UBE2D2: variants seen among roughly 807,000 people sequenced by gnomAD.
UBE2D2 encodes the protein ubiquitin-conjugating enzyme E2 D2.
Under a neutral mutation model 24.2 loss-of-function variants are expected in UBE2D2, and 2 were observed. The ratio of observed to expected loss-of-function variants is 0.08; its 90% CI spans 0.03 to 0.26. The LOEUF (loss-of-function observed/expected upper bound fraction) is 0.26. Among genes scored for constraint, UBE2D2 ranks in the 10% least tolerant of loss-of-function variants. UBE2D2 has a pLI of 1.00. For missense variants in UBE2D2, 44 were observed against 177.6 expected (o/e 0.25, Z 4.28); for synonymous variants, 58 against 56.5 (o/e 1.03, Z -0.12).
At chr5:139,546,476 G>C (rs1011160914) in intron 1 of UBE2D2, among the ~76,000 whole-genome samples, 3 of 151,698 alleles carry the variant, frequency 2.0e-5, no homozygotes, top group African/African-American at 7.3e-5. Flanking sequence ...AGCCGACTGT[G>C]CCTGGCCTAA....
At chr5:139,622,530 A>C (rs1415429912) in intron 5 of UBE2D2, among the ~76,000 whole-genome samples, 1 of 148,038 alleles carries the variant, frequency 6.8e-6, no homozygotes, top group Non-Finnish European at 1.5e-5. Context: ...GGCATGAGCC[A>C]CTGCAGCCAG....
intron 2 of UBE2D2, among the ~76,000 whole-genome samples, chr5:139,603,383 A>G (rs572430663): frequency 6.6e-6 from 1 of 152,258 alleles, no homozygotes; most frequent in African/African-American, 2.4e-5. Flanking sequence ...GCGATGGTTC[A>G]CGTCTGTAAT....
At chr5:139,610,621 C>T (rs2126697431) in intron 2 of UBE2D2, among the ~76,000 whole-genome samples, 1 of 151,550 alleles carries the variant, frequency 6.6e-6, no homozygotes, top group South Asian at 2.1e-4. Context: ...ACCTGTAATC[C>T]CAGCACTTTG....
At position 139,548,180 on chromosome 5, in the gene UBE2D2, AAAAT is replaced by A. The variant is rs1752860742; in HGVS notation, c.-64+21572_-64+21575del. On this transcript the variant is annotated intron_variant, in intron 1 of 6. Coordinates refer to the UBE2D2 transcript ENST00000511725. ...CTCCGTCTCAAAAAAAAAAAAAAAA[AAAAT>A]AAAAAAAAAAAATAAATAAATAAAT... Among the ~76,000 whole-genome samples the A allele has an allele frequency of 3.2e-3, 124 of 38,942 alleles. 1 individual carries two copies. In the African/African-American group the frequency reaches 0.036, roughly 11 times the overall value. 25.5% of individuals were successfully genotyped at this position (38,942 alleles called of 152,430 possible).
chr5:139,544,442 C>A (rs1194250190), intron 1 of UBE2D2, among the ~76,000 whole-genome samples: 1 of 151,838 alleles, frequency 6.6e-6, no homozygotes, highest in Non-Finnish European at 1.5e-5. Flanking sequence ...GCGTCCACCA[C>A]AATGCTCAGC....
rs1754390624 is a variant in UBE2D2 at position 139,614,973 on chromosome 5, G to A, written c.304+7G>A. The A allele has an allele frequency of 6.2e-7, 1 of 1,601,998 alleles. No individual in the cohort carries two copies. Among genetic ancestry groups the A allele is most frequent in the African/African-American group, 1.3e-5 (1 of 74,412 alleles). On this transcript the variant is annotated splice_region_variant and intron_variant, in intron 5 of 6. Transcript: ENST00000398733. ...GCACTAACTATTTCAAAAGGTAACA[G>A]TGGGTATTTGATATCAAGATAAAGC...
intron 1 of UBE2D2, among the ~76,000 whole-genome samples, chr5:139,591,975 G>A (rs1015718216): frequency 1.3e-5 from 2 of 152,096 alleles, no homozygotes; most frequent in Non-Finnish European, 2.9e-5. Flanking sequence ...CGAGGCGGGC[G>A]GATCCCTTGA....
At chr5:139,536,556 C>T (rs1752684235) in intron 1 of UBE2D2, among the ~76,000 whole-genome samples, 1 of 151,912 alleles carries the variant, frequency 6.6e-6, no homozygotes, top group Non-Finnish European at 1.5e-5. Flanking sequence ...TAGAGACGCC[C>T]TGTTGTCCCG....
At position 139,627,292 on chromosome 5, in the gene UBE2D2, T is replaced by G. The variant is rs977650858; in HGVS notation, c.*491T>G. The G allele has an allele frequency of 1.9e-5, 3 of 154,794 alleles. No individual in the cohort carries two copies. Among genetic ancestry groups the G allele is most frequent in the African/African-American group, 7.2e-5 (3 of 41,476 alleles). The allele number at this position is 154,794 out of a possible 1,614,324, so 9.6% of individuals were successfully genotyped here. On this transcript the variant is annotated 3_prime_UTR_variant, in exon 7 of 7. Transcript: ENST00000398733. ...GAAGGAGCTACGTCTTAGGTGAAAGTTATGACCAACCAGATTAAACTCTAC... is the reference window on the plus strand; with the variant it reads ...GAAGGAGCTACGTCTTAGGTGAAAGGTATGACCAACCAGATTAAACTCTAC...
chr5:139,592,966 T>C (rs1353860131), intron 1 of UBE2D2, among the ~76,000 whole-genome samples: 1 of 58,640 alleles, frequency 1.7e-5, no homozygotes, highest in Non-Finnish European at 3.0e-5. Flanking sequence ...ATTTCCCAAA[T>C]TAACATGATT....
chr5:139,551,564 T>C (rs1321198830), intron 1 of UBE2D2, among the ~76,000 whole-genome samples: 1 of 152,202 alleles, frequency 6.6e-6, no homozygotes. Context: ...AAGTGTTTTT[T>C]CATGAATTGC....
chr5:139,560,746 A>G (rs1270733299), upstream of UBE2D2, among the ~76,000 whole-genome samples: 1 of 152,194 alleles, frequency 6.6e-6, no homozygotes, highest in Non-Finnish European at 1.5e-5. Flanking sequence ...GGACACCTCG[A>G]AGGCACACAT....
intron 1 of UBE2D2, among the ~76,000 whole-genome samples, chr5:139,584,168 T>C (rs1383604827): frequency 6.6e-6 from 1 of 152,176 alleles, no homozygotes; most frequent in Non-Finnish European, 1.5e-5. Flanking sequence ...TTTTACCTTT[T>C]TTTCCTCATG....
At chr5:139,611,401 T>G (rs1391857365) in intron 2 of UBE2D2, among the ~76,000 whole-genome samples, 1 of 152,030 alleles carries the variant, frequency 6.6e-6, no homozygotes, top group Non-Finnish European at 1.5e-5. Flanking sequence ...TTGGTCAGGC[T>G]GATCTCGAAC....
At chr5:139,534,924 A>C (rs2126628620) in intron 1 of UBE2D2, among the ~76,000 whole-genome samples, 1 of 151,304 alleles carries the variant, frequency 6.6e-6, no homozygotes, top group South Asian at 2.1e-4. Context: ...GGATTGCTTG[A>C]GCTCAGGAGT....
chr5:139,563,954 C>T (rs1753164114), intron 1 of UBE2D2, among the ~76,000 whole-genome samples: 2 of 151,966 alleles, frequency 1.3e-5, no homozygotes, highest in African/African-American at 4.8e-5. Context: ...GAAATGTAGA[C>T]TTTAATCTCT....
chr5:139,551,349 CAAAG>C (rs1752919078), intron 1 of UBE2D2, among the ~76,000 whole-genome samples: 1 of 151,462 alleles, frequency 6.6e-6, no homozygotes, highest in Admixed American at 6.6e-5. Flanking sequence ...AACTCCATCT[CAAAG>C]AAAAAAAAAG....
intron 5 of UBE2D2, among the ~76,000 whole-genome samples, chr5:139,615,353 C>T (rs191321045): frequency 3.2e-4 from 49 of 152,202 alleles, no homozygotes; most frequent in Admixed American, 2.0e-3. Flanking sequence ...GGCATGGTGG[C>T]AGGTGCCTGT....
At chr5:139,526,344 A>G (rs1266111681), upstream of UBE2D2, 5 of 152,198 alleles carry the variant, frequency 3.3e-5, no homozygotes, top group East Asian at 9.6e-4. Context: ...TCGTCCTGCT[A>G]CATTTCTTGG....
Sources: gnomAD v4.1 joint callset for allele counts (sites outside exome capture counted in the v4.1 genomes callset) on GRCh38, gnomAD v4.1.1 for gene constraint, MANE v1.5 for transcripts, NCBI Gene and HGNC (gene_info 2026-07-23, HGNC 2026-07-21) for gene names.